Variants in PRKG1 observed in about 807,000 individuals in gnomAD.
PRKG1 encodes cGMP-dependent protein kinase 1.
Under a neutral mutation model 88.1 loss-of-function variants are expected in PRKG1, and 35 were observed. The observed-to-expected ratio is 0.40, with a 90% CI of 0.30 to 0.53. The LOEUF (loss-of-function observed/expected upper bound fraction) is 0.53, where lower values mean the gene tolerates loss of function less well. Among genes scored for constraint, PRKG1 ranks in the 20% least tolerant of loss-of-function variants. The probability of loss-of-function intolerance (pLI) is 0.59; values close to 1 mark genes in which losing one functional copy is unlikely to be tolerated. For synonymous variants in PRKG1, 303 were observed against 292.5 expected, an observed-to-expected ratio of 1.04 and a Z score of -0.37; for missense variants, 540 against 839.8, an observed-to-expected ratio of 0.64 and a Z score of 4.41.
chr10:51,324,511 A>G (rs1278776160), intron 2 of PRKG1, among the ~76,000 whole-genome samples: 1 of 150,374 alleles, frequency 6.7e-6, no homozygotes, highest in African/African-American at 2.5e-5. Flanking sequence ...GCAGATTATC[A>G]GGTCAGGAGA....
intron 7 of PRKG1, among the ~76,000 whole-genome samples, chr10:52,107,717 A>G (rs998733506): frequency 6.6e-6 from 1 of 152,222 alleles, no homozygotes; most frequent in African/African-American, 2.4e-5. Context: ...TATTTAAGGT[A>G]ATGAAGCTCA....
chr10:51,117,909 A>G (rs981910694), intron 1 of PRKG1, among the ~76,000 whole-genome samples: 44 of 152,348 alleles, frequency 2.9e-4, no homozygotes, highest in African/African-American at 9.1e-4. Context: ...CTAGGGAGAT[A>G]TTCCATGGCT....
At chr10:51,470,369 G>T (rs1840018600) in intron 3 of PRKG1, among the ~76,000 whole-genome samples, 2 of 151,688 alleles carry the variant, frequency 1.3e-5, no homozygotes, top group African/African-American at 4.8e-5. Flanking sequence ...CTAATTCTGA[G>T]GGGAATATTT....
intron 7 of PRKG1, among the ~76,000 whole-genome samples, chr10:52,114,268 G>A (rs1395746383): frequency 2.6e-5 from 4 of 152,030 alleles, no homozygotes. Context: ...GGGAACAAAT[G>A]TAGGTTCAAA....
intron 7 of PRKG1, among the ~76,000 whole-genome samples, chr10:52,065,861 C>T (rs189192832): frequency 7.2e-5 from 11 of 152,198 alleles, no homozygotes; most frequent in East Asian, 1.9e-4. Context: ...TATAGAAAGA[C>T]GCCACCTGAT....
intron 4 of PRKG1, among the ~76,000 whole-genome samples, chr10:51,856,783 G>A (rs1840690846): frequency 6.6e-6 from 1 of 151,894 alleles, no homozygotes. Flanking sequence ...GGCTAACACG[G>A]TGAAACCCCG....
intron 4 of PRKG1, among the ~76,000 whole-genome samples, chr10:51,903,596 G>A (rs1275812776): frequency 6.6e-6 from 1 of 152,016 alleles, no homozygotes; most frequent in Non-Finnish European, 1.5e-5. Flanking sequence ...CTGTGTGTTG[G>A]GGATAGAGGC....
intron 5 of PRKG1, among the ~76,000 whole-genome samples, chr10:51,967,159 C>A (rs1166733817): frequency 1.3e-5 from 2 of 152,134 alleles, no homozygotes; most frequent in Non-Finnish European, 2.9e-5. Flanking sequence ...TGGAACCAAC[C>A]CAAATGTCCA....
At chr10:51,074,451 C>T (rs913128000), upstream of PRKG1, 4 of 1,457,188 alleles carry the variant, frequency 2.7e-6, no homozygotes, top group East Asian at 7.5e-5. Context: ...GCTCAGAAGC[C>T]AGGGCTGGCT....
intron 4 of PRKG1, among the ~76,000 whole-genome samples, chr10:51,806,825 A>G (rs777580620): frequency 3.2e-4 from 49 of 152,076 alleles, no homozygotes; most frequent in Non-Finnish European, 5.7e-4. Context: ...CTTCCTGCAA[A>G]CCAAACAATT....
chr10:51,796,148 T>C (rs1839004997), intron 3 of PRKG1, among the ~76,000 whole-genome samples: 1 of 152,104 alleles, frequency 6.6e-6, no homozygotes, highest in Non-Finnish European at 1.5e-5. Context: ...TGATGAATTC[T>C]CACTTTGTTA....
chr10:51,824,062 T>A (rs1839822907), intron 4 of PRKG1, among the ~76,000 whole-genome samples: 1 of 151,882 alleles, frequency 6.6e-6, no homozygotes, highest in African/African-American at 2.4e-5. Context: ...TTTGTAGAGA[T>A]GAGCTTTTGC....
intron 9 of PRKG1, among the ~76,000 whole-genome samples, chr10:52,228,694 AT>A (rs1423417578): frequency 6.6e-6 from 1 of 152,208 alleles, no homozygotes; most frequent in Non-Finnish European, 1.5e-5. Flanking sequence ...AATAATAACA[AT>A]AGTATCATAC....
chr10:51,216,301 T>C (rs1838369660), intron 2 of PRKG1, among the ~76,000 whole-genome samples: 1 of 152,226 alleles, frequency 6.6e-6, no homozygotes, highest in Admixed American at 6.5e-5. Flanking sequence ...TTACATAAGT[T>C]ATCTTACATA....
At chr10:51,870,497 C>A (rs1026903282) in intron 4 of PRKG1, among the ~76,000 whole-genome samples, 4 of 151,862 alleles carry the variant, frequency 2.6e-5, no homozygotes, top group African/African-American at 9.7e-5. Flanking sequence ...CATCTCCATC[C>A]CTAACTGCAA....
chr10:51,483,134 C>T (rs565721195), intron 3 of PRKG1, among the ~76,000 whole-genome samples: 29 of 151,824 alleles, frequency 1.9e-4, no homozygotes, highest in African/African-American at 6.5e-4. Context: ...AATTCTTCCG[C>T]GTCAGCCTCC....
chr10:51,453,056 T>C (rs955352869), intron 2 of PRKG1, among the ~76,000 whole-genome samples: 3 of 152,026 alleles, frequency 2.0e-5, no homozygotes, highest in African/African-American at 7.2e-5. Flanking sequence ...CCATCTCCTT[T>C]AGATGTTCTA....
At chr10:51,556,721 A>C (rs1319645270) in intron 3 of PRKG1, among the ~76,000 whole-genome samples, 1 of 152,012 alleles carries the variant, frequency 6.6e-6, no homozygotes, top group Non-Finnish European at 1.5e-5. Context: ...GAACTACCAG[A>C]CTGAGGAAGG....
intron 4 of PRKG1, among the ~76,000 whole-genome samples, chr10:51,872,274 T>G (rs980997847): frequency 6.6e-6 from 1 of 152,228 alleles, no homozygotes; most frequent in African/African-American, 2.4e-5. Context: ...TTTTTTTGCC[T>G]TAGTTTCCCC....
Sources: allele counts gnomAD v4.1 joint callset (sites outside exome capture counted in the v4.1 genomes callset), GRCh38; gene constraint gnomAD v4.1.1; transcripts MANE v1.5; gene names NCBI Gene and HGNC (gene_info 2026-07-23, HGNC 2026-07-21).